DCC: variants seen among roughly 807,000 people sequenced by gnomAD.
DCC encodes the protein DCC netrin 1 receptor.
In DCC, 58 loss-of-function variants were observed where a neutral mutation model predicts 172.5. That is an observed-to-expected ratio of 0.34 (90% CI 0.27 to 0.42). The LOEUF (loss-of-function observed/expected upper bound fraction) is 0.42, where lower values mean the gene tolerates loss of function less well. Ranked by LOEUF, DCC falls within the 10% of genes least tolerant of loss-of-function variation. DCC has a pLI of 1.00. For missense variants in DCC, 1,740 were observed against 1,791.0 expected (o/e 0.97, Z 0.51); for synonymous variants, 709 against 644.5 (o/e 1.10, Z -1.52).
At chr18:52,479,588 C>T (rs563458807) in intron 1 of DCC, among the ~76,000 whole-genome samples, 3 of 150,472 alleles carry the variant, frequency 2.0e-5, no homozygotes, top group Admixed American at 6.7e-5. Flanking sequence ...CCACCCCCCC[C>T]CCGTCTCCCT....
In DCC at chr18:52,717,968, C is replaced by T. The variant is rs531489655; in HGVS notation, c.92-34086C>T. 4.6e-5 allele frequency among the ~76,000 whole-genome samples: 7 copies of T among 152,236 alleles called. No homozygotes were observed. The East Asian group carries it at 5.8e-4, about 13-fold the overall frequency. ...ACACACAAAAGAACAAAAAACCAAA[C>T]GCCTGAAACCAAAACCTCAGCACAG... On this transcript the variant is annotated intron_variant, in intron 1 of 28. Coordinates refer to ENST00000442544, the MANE Select transcript of DCC (RefSeq NM_005215.4).
intron 15 of DCC, among the ~76,000 whole-genome samples, chr18:53,354,177 G>A (rs1167550503): frequency 6.6e-6 from 1 of 152,188 alleles, no homozygotes; most frequent in South Asian, 2.1e-4. Flanking sequence ...GGACATTTGG[G>A]TTGGTTCCAA....
At chr18:53,212,247 C>T (rs1202884216) in intron 11 of DCC, among the ~76,000 whole-genome samples, 1 of 152,124 alleles carries the variant, frequency 6.6e-6, no homozygotes, top group African/African-American at 2.4e-5. Context: ...CCAGCCCCAC[C>T]TCTCATTGGC....
At chr18:53,004,277 T>A (rs2041611679) in intron 5 of DCC, among the ~76,000 whole-genome samples, 2 of 152,206 alleles carry the variant, frequency 1.3e-5, no homozygotes, top group African/African-American at 2.4e-5. Context: ...GCCTTAGCCC[T>A]CTATAATTTC....
chr18:52,887,442 T>C (rs1026901319), intron 2 of DCC, among the ~76,000 whole-genome samples: 3 of 152,126 alleles, frequency 2.0e-5, no homozygotes, highest in Non-Finnish European at 4.4e-5. Flanking sequence ...CAAAAGGTAG[T>C]TCCAGCAAAA....
At chr18:52,896,021 G>A (rs1042431996) in intron 2 of DCC, among the ~76,000 whole-genome samples, 2 of 152,142 alleles carry the variant, frequency 1.3e-5, no homozygotes, top group African/African-American at 2.4e-5. Flanking sequence ...TTGACCTCAG[G>A]TGATTCGCCT....
intron 2 of DCC, among the ~76,000 whole-genome samples, chr18:52,769,051 G>C (rs1225058040): frequency 1.3e-5 from 2 of 152,162 alleles, no homozygotes; most frequent in East Asian, 3.9e-4. Flanking sequence ...CAAGTCTTCA[G>C]TTCTAGGTTA....
intron 1 of DCC, among the ~76,000 whole-genome samples, chr18:52,681,573 G>T (rs566700732): frequency 6.6e-6 from 1 of 152,148 alleles, no homozygotes; most frequent in Non-Finnish European, 1.5e-5. Context: ...TCTGAAGTAG[G>T]GAGCATTTCT....
intron 1 of DCC, among the ~76,000 whole-genome samples, chr18:52,623,062 C>T (rs150549465): frequency 6.6e-6 from 1 of 152,258 alleles, no homozygotes; most frequent in African/African-American, 2.4e-5. Context: ...AGCCCACAGG[C>T]CAGCTGTTTG....
intron 12 of DCC, among the ~76,000 whole-genome samples, chr18:53,304,098 C>T (rs1301956828): frequency 6.6e-6 from 1 of 152,142 alleles, no homozygotes; most frequent in Non-Finnish European, 1.5e-5. Context: ...TTCTGTTCCT[C>T]TCCTCTTCTG....
chr18:52,562,764 C>T (rs1003772301), intron 1 of DCC, among the ~76,000 whole-genome samples: 3 of 151,962 alleles, frequency 2.0e-5, no homozygotes, highest in Non-Finnish European at 4.4e-5. Flanking sequence ...ATAAAAAGAA[C>T]AATTTTAATC....
intron 14 of DCC, among the ~76,000 whole-genome samples, chr18:53,331,641 A>G (rs1262846552): frequency 6.6e-6 from 1 of 152,140 alleles, no homozygotes; most frequent in African/African-American, 2.4e-5. Context: ...ACTTCATTGT[A>G]TTTTCTCTGT....
At chr18:53,249,257 GAACA>G (rs1463761090) in intron 12 of DCC, among the ~76,000 whole-genome samples, 2 of 151,588 alleles carry the variant, frequency 1.3e-5, no homozygotes, top group Admixed American at 6.6e-5. Flanking sequence ...TTTTTTATTT[GAACA>G]AACAAATATT....
At chr18:52,862,687 G>A (rs2039162137) in intron 2 of DCC, among the ~76,000 whole-genome samples, 1 of 151,948 alleles carries the variant, frequency 6.6e-6, no homozygotes, top group Non-Finnish European at 1.5e-5. Context: ...AACAGAGCAA[G>A]ACTGTTGTCT....
chr18:52,882,497 T>C (rs553029771), intron 2 of DCC, among the ~76,000 whole-genome samples: 7 of 152,244 alleles, frequency 4.6e-5, no homozygotes, highest in Non-Finnish European at 8.8e-5. Context: ...CATTACTGTT[T>C]GTTTCAACAA....
chr18:53,370,379 A>T (rs1274460725), intron 15 of DCC, among the ~76,000 whole-genome samples: 2 of 151,670 alleles, frequency 1.3e-5, no homozygotes, highest in Non-Finnish European at 3.0e-5. Flanking sequence ...AATTTGGTTT[A>T]TCTTTTCAAA....
chr18:53,092,081 G>T (rs922325263), intron 7 of DCC, among the ~76,000 whole-genome samples: 3 of 152,014 alleles, frequency 2.0e-5, no homozygotes, highest in African/African-American at 7.2e-5. Flanking sequence ...GAATGCTATA[G>T]AATAACATGT....
At chr18:53,353,309 T>C (rs950231135) in intron 15 of DCC, among the ~76,000 whole-genome samples, 3 of 149,116 alleles carry the variant, frequency 2.0e-5, no homozygotes, top group African/African-American at 7.3e-5. Flanking sequence ...TGATAAAATA[T>C]AGGAGCCAAT....
chr18:52,912,014 ATT>A (rs2039977524), intron 3 of DCC, among the ~76,000 whole-genome samples: 1 of 152,004 alleles, frequency 6.6e-6, no homozygotes, highest in Admixed American at 6.6e-5. Context: ...CTCACAGTCT[ATT>A]TCCATGGATT....
Sources: gnomAD v4.1 joint callset for allele counts (sites outside exome capture counted in the v4.1 genomes callset) on GRCh38, gnomAD v4.1.1 for gene constraint, MANE v1.5 for transcripts, NCBI Gene and HGNC (gene_info 2026-07-23, HGNC 2026-07-21) for gene names.